SLC25A26: variants seen among roughly 807,000 people sequenced by gnomAD.
The protein encoded by SLC25A26 is mitochondrial S-adenosylmethionine carrier protein.
SLC25A26 carries 36 observed loss-of-function variants against 37.8 expected under a neutral mutation model. That is an observed-to-expected ratio of 0.95 (90% CI 0.73 to 1.26). The LOEUF (loss-of-function observed/expected upper bound fraction) is 1.26, where lower values mean the gene tolerates loss of function less well. Ranked by LOEUF, SLC25A26 falls within the 50% of genes most tolerant of loss-of-function variation. SLC25A26 has a pLI of 0.00. For missense variants in SLC25A26, 390 were observed against 331.1 expected (o/e 1.18, Z -1.38); for synonymous variants, 129 against 122.5 (o/e 1.05, Z -0.35).
intron 5 of SLC25A26, among the ~76,000 whole-genome samples, chr3:66,311,812 C>T (rs192526518): frequency 2.6e-5 from 4 of 152,156 alleles, no homozygotes; most frequent in African/African-American, 7.2e-5. Context: ...CTGGGTATCA[C>T]CACCAGAGGC....
rs184126715 is a variant in SLC25A26, at chr3:66,324,731, G to C, written c.454-21633G>C. On this transcript the variant is annotated intron_variant, in intron 5 of 9. Transcript: ENST00000354883. The stretch of plus-strand genomic sequence containing the variant: ...AAGCAAGATGGAGTTGGTTAGGTCA[G>C]ATTTTTCTCACTGTCGTGATTTTTG... Among the ~76,000 whole-genome samples the C allele has an allele frequency of 9.0e-4, 137 of 152,004 alleles. 1 individual carries two copies. The highest frequency in any genetic ancestry group is 6.8e-3 in the Middle Eastern group (2 of 292).
At chr3:66,248,096 A>G (rs2072929629) in intron 3 of SLC25A26, among the ~76,000 whole-genome samples, 1 of 152,250 alleles carries the variant, frequency 6.6e-6, no homozygotes, top group African/African-American at 2.4e-5. Context: ...TGTGTTGAAT[A>G]TAGCCACAGT....
At chr3:66,346,471 G>A (rs2076326085) in intron 6 of SLC25A26, 63 bp downstream of exon 6, 1 of 838,070 alleles carries the variant, frequency 1.2e-6, no homozygotes, top group Non-Finnish European at 1.8e-6. Flanking sequence ...TAGTTTGAGT[G>A]TGGAAGAGTA....
At chr3:66,276,832 T>C (rs563618872) in intron 5 of SLC25A26, among the ~76,000 whole-genome samples, 1 of 151,898 alleles carries the variant, frequency 6.6e-6, no homozygotes, top group Non-Finnish European at 1.5e-5. Context: ...CTTTTTGTTA[T>C]TCAACTTGTC....
chr3:66,220,630 G>A (rs1553657874), upstream of SLC25A26: 1 of 162,378 alleles, frequency 6.2e-6, no homozygotes, highest in East Asian at 1.9e-4. Flanking sequence ...AAAACTAAGA[G>A]ATAAACCAAA....
At chr3:66,279,623 TC>T (rs1326162021) in intron 5 of SLC25A26, among the ~76,000 whole-genome samples, 1 of 152,224 alleles carries the variant, frequency 6.6e-6, no homozygotes, top group East Asian at 1.9e-4. Context: ...TTCTTTGGCC[TC>T]AAATGTGTTT....
chr3:66,151,001 C>A (rs138219420), intron 1 of SLC25A26, among the ~76,000 whole-genome samples: 1 of 152,000 alleles, frequency 6.6e-6, no homozygotes, highest in African/African-American at 2.4e-5. Context: ...TACATAGTCA[C>A]GTTCTAATGC....
chr3:66,226,246 C>T (rs1260570531), intron 1 of SLC25A26, among the ~76,000 whole-genome samples: 1 of 152,150 alleles, frequency 6.6e-6, no homozygotes, highest in Non-Finnish European at 1.5e-5. Context: ...GGAGCAAAGT[C>T]ACGTCTTACA....
rs1001388132 is a variant in SLC25A26, at chr3:66,190,644, G to T, written c.-353-30098G>T. Among the ~76,000 whole-genome samples the T allele has an allele frequency of 3.9e-5, 6 of 152,024 alleles. No homozygotes were observed. In the South Asian group the frequency reaches 1.2e-3, roughly 32 times the overall value. ...GGGTTTCACCATGTTGGCCAGGCTGGTCTCAAACTCCTGGCCTCAGGTGAT... is the reference window on the plus strand; with the variant it reads ...GGGTTTCACCATGTTGGCCAGGCTGTTCTCAAACTCCTGGCCTCAGGTGAT... On this transcript the variant is annotated intron_variant, in intron 1 of 10. Transcript: ENST00000676754.
At chr3:66,302,245 G>T (rs147955637) in intron 5 of SLC25A26, among the ~76,000 whole-genome samples, 38 of 152,272 alleles carry the variant, frequency 2.5e-4, no homozygotes, top group African/African-American at 8.2e-4. Flanking sequence ...TTTCAAAGAC[G>T]TGGCCCAAAA....
At chr3:66,354,453 C>A (rs971217401) in intron 6 of SLC25A26, among the ~76,000 whole-genome samples, 2 of 152,096 alleles carry the variant, frequency 1.3e-5, no homozygotes, top group African/African-American at 4.8e-5. Context: ...ATCAATAGTT[C>A]AATGTATATA....
chr3:66,194,267 A>G (rs2071000884), intron 1 of SLC25A26, among the ~76,000 whole-genome samples: 1 of 152,172 alleles, frequency 6.6e-6, no homozygotes, highest in East Asian at 1.9e-4. Flanking sequence ...CTCAGGGTGG[A>G]CTGAAGTTTT....
intron 1 of SLC25A26, among the ~76,000 whole-genome samples, chr3:66,206,899 T>TC (rs1177927340): frequency 6.7e-6 from 1 of 149,214 alleles, no homozygotes; most frequent in Non-Finnish European, 1.5e-5. Context: ...TCTTTCTTTT[T>TC]TTTTTTTTTT....
intron 1 of SLC25A26, among the ~76,000 whole-genome samples, chr3:66,136,757 A>T (rs1378286248): frequency 1.3e-5 from 2 of 152,216 alleles, no homozygotes; most frequent in Non-Finnish European, 2.9e-5. Context: ...CCTCCATGTC[A>T]TTTACAGTAT....
chr3:66,345,311 C>G (rs376605202), intron 5 of SLC25A26, among the ~76,000 whole-genome samples: 1 of 152,284 alleles, frequency 6.6e-6, no homozygotes. Context: ...ACTGGCTGCT[C>G]TGTTCCTGGA....
chr3:66,233,501 T>C (rs1456880946), intron 1 of SLC25A26, among the ~76,000 whole-genome samples: 1 of 152,194 alleles, frequency 6.6e-6, no homozygotes, highest in Non-Finnish European at 1.5e-5. Context: ...AAAATAACAT[T>C]TTCAGGCTAA....
chr3:66,244,635 A>T (rs1432263863), intron 3 of SLC25A26, among the ~76,000 whole-genome samples: 1 of 152,222 alleles, frequency 6.6e-6, no homozygotes, highest in African/African-American at 2.4e-5. Context: ...AAAATTGGCA[A>T]CAGTGACAAA....
At chr3:66,208,899 G>GGT (rs1185588304) in intron 1 of SLC25A26, among the ~76,000 whole-genome samples, 1 of 38,666 alleles carries the variant, frequency 2.6e-5, no homozygotes, top group Non-Finnish European at 4.8e-5. Flanking sequence ...CCTTTATATG[G>GGT]GTATATATAT....
intron 1 of SLC25A26, among the ~76,000 whole-genome samples, chr3:66,213,127 C>T (rs1013456833): frequency 4.0e-4 from 61 of 152,056 alleles, no homozygotes; most frequent in East Asian, 1.7e-3. Context: ...AGCCCAGGCG[C>T]GGTGGCTCAC....
Sources: allele counts gnomAD v4.1 joint callset (sites outside exome capture counted in the v4.1 genomes callset), GRCh38; gene constraint gnomAD v4.1.1; transcripts MANE v1.5; gene names NCBI Gene and HGNC (gene_info 2026-07-23, HGNC 2026-07-21).